PCDH9: variants seen among roughly 807,000 people sequenced by gnomAD.
PCDH9 encodes the protein protocadherin-9.
PCDH9 carries 24 observed loss-of-function variants against 70.6 expected under a neutral mutation model. The ratio of observed to expected loss-of-function variants is 0.34; its 90% CI spans 0.25 to 0.48. PCDH9 has a LOEUF of 0.48. Among genes scored for constraint, PCDH9 ranks in the 20% least tolerant of loss-of-function variants. The pLI is 0.99. For synonymous variants in PCDH9, 562 were observed against 558.5 expected, an observed-to-expected ratio of 1.01 and a Z score of -0.09; for missense variants, 1,281 against 1,503.6, an observed-to-expected ratio of 0.85 and a Z score of 2.45.
At chr13:66,936,955 C>T (rs1218267386) in intron 2 of PCDH9, among the ~76,000 whole-genome samples, 3 of 152,040 alleles carry the variant, frequency 2.0e-5, no homozygotes, top group South Asian at 2.1e-4. Context: ...CATAAAACTG[C>T]GTGGCGCATA....
At chr13:66,370,775 A>C (rs1447593375) in intron 4 of PCDH9, among the ~76,000 whole-genome samples, 1 of 151,980 alleles carries the variant, frequency 6.6e-6, no homozygotes, top group Non-Finnish European at 1.5e-5. Flanking sequence ...CAGACTCCCA[A>C]CATGCTGGGA....
At chr13:66,456,635 T>C (rs1011337178) in intron 4 of PCDH9, among the ~76,000 whole-genome samples, 2 of 152,164 alleles carry the variant, frequency 1.3e-5, no homozygotes, top group African/African-American at 4.8e-5. Flanking sequence ...TCATTTCCCC[T>C]ATGATAAGAC....
chr13:66,640,728 A>T (rs2077697864), intron 3 of PCDH9, among the ~76,000 whole-genome samples: 1 of 152,222 alleles, frequency 6.6e-6, no homozygotes, highest in South Asian at 2.1e-4. Context: ...ATCTCGGCAG[A>T]AAGTCTCTGA....
At chr13:66,350,844 C>A (rs950198523) in intron 4 of PCDH9, among the ~76,000 whole-genome samples, 2 of 152,156 alleles carry the variant, frequency 1.3e-5, no homozygotes, top group Non-Finnish European at 2.9e-5. Flanking sequence ...TCTCACAATT[C>A]TTCTATAGCT....
rs192589974 is a variant in PCDH9 at position 67,172,803 on chromosome 13, G to A, written c.3036+52602C>T. On this transcript the variant is annotated intron_variant, in intron 2 of 4. Coordinates refer to ENST00000377865, the MANE Select transcript of PCDH9 (RefSeq NM_203487.3). ...TGAGGCAGGAGAATTGCTTGAGCCC[G>A]GGAGGTGTAGGGTGCGGTGAGGCGA... 7.3e-5 allele frequency among the ~76,000 whole-genome samples: 11 copies of A among 151,344 alleles called. No homozygotes were observed. In the East Asian group the frequency reaches 1.2e-3, roughly 16 times the overall value.
intron 4 of PCDH9, among the ~76,000 whole-genome samples, chr13:66,321,541 T>A (rs1004047096): frequency 4.6e-5 from 7 of 151,932 alleles, no homozygotes; most frequent in Non-Finnish European, 1.0e-4. Context: ...AAGTGCGTTG[T>A]TTGGCTGGCT....
intron 4 of PCDH9, among the ~76,000 whole-genome samples, chr13:66,609,954 C>CTTTTTT (rs11333407): frequency 1.2e-4 from 14 of 117,132 alleles, no homozygotes; most frequent in African/African-American, 4.3e-4. Context: ...GCATTTCCTT[C>CTTTTTT]TTTTTTTTTT....
chr13:66,319,246 C>T (rs999617980), intron 4 of PCDH9, among the ~76,000 whole-genome samples: 4 of 152,016 alleles, frequency 2.6e-5, no homozygotes, highest in African/African-American at 9.7e-5. Flanking sequence ...GAAAAGTGCC[C>T]CATGATCCAA....
chr13:66,660,751 G>A (rs956397050), intron 3 of PCDH9, among the ~76,000 whole-genome samples: 1 of 151,788 alleles, frequency 6.6e-6, no homozygotes, highest in Non-Finnish European at 1.5e-5. Flanking sequence ...TAGAAGGGAG[G>A]ATATCAGTTT....
At chr13:66,712,805 C>CCACAATTCT in intron 3 of PCDH9, among the ~76,000 whole-genome samples, 1 of 151,882 alleles carries the variant, frequency 6.6e-6, no homozygotes, top group Admixed American at 6.6e-5. Flanking sequence ...GCTTTTCCTG[C>CCACAATTCT]ACAAACTAGA....
At chr13:66,606,754 A>T (rs1467129631) in intron 4 of PCDH9, among the ~76,000 whole-genome samples, 1 of 150,662 alleles carries the variant, frequency 6.6e-6, no homozygotes, top group Non-Finnish European at 1.5e-5. Flanking sequence ...TAAAACTGGC[A>T]TTTTTTTTTC....
intron 3 of PCDH9, among the ~76,000 whole-genome samples, chr13:66,768,784 A>G (rs2079759016): frequency 6.6e-6 from 1 of 152,042 alleles, no homozygotes; most frequent in Admixed American, 6.6e-5. Context: ...AACAGGTGAA[A>G]TGTCACTGTG....
intron 2 of PCDH9, among the ~76,000 whole-genome samples, chr13:67,105,703 A>C (rs1013085761): frequency 6.6e-6 from 1 of 151,960 alleles, no homozygotes; most frequent in Non-Finnish European, 1.5e-5. Flanking sequence ...TTTGGCAATT[A>C]AATTTATACA....
At chr13:66,846,615 T>C (rs2081215023) in intron 3 of PCDH9, among the ~76,000 whole-genome samples, 2 of 152,252 alleles carry the variant, frequency 1.3e-5, no homozygotes, top group African/African-American at 4.8e-5. Context: ...ATCTTCGCTT[T>C]CCTTCTCGTT....
At chr13:67,063,474 C>T (rs1012696948) in intron 2 of PCDH9, among the ~76,000 whole-genome samples, 7 of 151,802 alleles carry the variant, frequency 4.6e-5, no homozygotes, top group African/African-American at 1.7e-4. Context: ...TATTAAAATT[C>T]CATTTAGCTT....
chr13:66,868,573 C>T (rs2081615461), intron 3 of PCDH9, among the ~76,000 whole-genome samples: 1 of 152,028 alleles, frequency 6.6e-6, no homozygotes, highest in Non-Finnish European at 1.5e-5. Flanking sequence ...GGAAGGTGTT[C>T]ATACTATTTA....
chr13:66,791,008 T>C (rs1439948006), intron 3 of PCDH9, among the ~76,000 whole-genome samples: 1 of 152,130 alleles, frequency 6.6e-6, no homozygotes, highest in Admixed American at 6.6e-5. Flanking sequence ...CGATTTACCA[T>C]TACTATGCAA....
chr13:67,177,785 C>T (rs1157696133), intron 2 of PCDH9, among the ~76,000 whole-genome samples: 2 of 152,054 alleles, frequency 1.3e-5, no homozygotes, highest in Non-Finnish European at 1.5e-5. Flanking sequence ...AACACTGGAC[C>T]TTTCAACTTG....
chr13:66,527,449 C>T (rs1369615462), intron 4 of PCDH9, among the ~76,000 whole-genome samples: 2 of 152,068 alleles, frequency 1.3e-5, no homozygotes, highest in African/African-American at 4.8e-5. Context: ...ATCTTTGCCC[C>T]TCCCTTTTAA....
Sources: gnomAD v4.1 joint callset for allele counts (sites outside exome capture counted in the v4.1 genomes callset) on GRCh38, gnomAD v4.1.1 for gene constraint, MANE v1.5 for transcripts, NCBI Gene and HGNC (gene_info 2026-07-23, HGNC 2026-07-21) for gene names.